Variants in THSD4 observed in about 807,000 individuals in gnomAD.
The protein encoded by THSD4 is thrombospondin type 1 domain containing 4, also known as thrombospondin type-1 domain-containing protein 4.
THSD4 carries 69 observed loss-of-function variants against 119.0 expected under a neutral mutation model. That is an observed-to-expected ratio of 0.58 (90% CI 0.48 to 0.71). THSD4 has a LOEUF of 0.71. THSD4 is among the 30% of genes least tolerant of loss of function. The pLI, the probability that THSD4 is intolerant of heterozygous loss-of-function variation, is 0.00. For missense variants in THSD4, 1,393 were observed against 1,391.1 expected, an observed-to-expected ratio of 1.00 and a Z score of -0.02; for synonymous variants, 524 against 540.4, an observed-to-expected ratio of 0.97 and a Z score of 0.42.
intron 7 of THSD4, among the ~76,000 whole-genome samples, chr15:71,495,190 G>C (rs570097854): frequency 9.9e-5 from 15 of 152,270 alleles, no homozygotes; most frequent in Non-Finnish European, 1.8e-4. Context: ...ACCCAACCCC[G>C]TTTTTCTCAC....
intron 7 of THSD4, among the ~76,000 whole-genome samples, chr15:71,530,148 C>G (rs1011443922): frequency 1.5e-5 from 2 of 130,874 alleles, no homozygotes; most frequent in Non-Finnish European, 3.1e-5. Context: ...TGAAACACCC[C>G]TGTTAGAAAT....
chr15:71,114,021 C>T (rs2040328942), upstream of THSD4, among the ~76,000 whole-genome samples: 1 of 152,016 alleles, frequency 6.6e-6, no homozygotes, highest in Non-Finnish European at 1.5e-5. Context: ...TCGTGACACT[C>T]AGAATTAATC....
chr15:71,121,315 A>G (rs1457958749), intron 1 of THSD4, among the ~76,000 whole-genome samples: 3 of 151,606 alleles, frequency 2.0e-5, no homozygotes, highest in Non-Finnish European at 4.4e-5. Flanking sequence ...AAAATGCTCA[A>G]AACTATCTCA....
chr15:71,743,862 T>A (rs777283096), intron 11 of THSD4, among the ~76,000 whole-genome samples: 9 of 152,240 alleles, frequency 5.9e-5, no homozygotes, highest in Non-Finnish European at 1.0e-4. Flanking sequence ...AGATAGCCCC[T>A]ATGTTGCAGT....
chr15:71,744,364 G>A (rs2053294402), intron 11 of THSD4, among the ~76,000 whole-genome samples: 1 of 152,138 alleles, frequency 6.6e-6, no homozygotes, highest in Non-Finnish European at 1.5e-5. Context: ...GGGCTACAGA[G>A]ATTAAGAAGT....
chr15:71,741,100 T>G (rs1465944033), intron 11 of THSD4, among the ~76,000 whole-genome samples: 1 of 152,198 alleles, frequency 6.6e-6, no homozygotes, highest in African/African-American at 2.4e-5. Flanking sequence ...TAAGGGTAGA[T>G]TTTACATCTT....
At chr15:71,613,050 C>T (rs2050258086) in intron 7 of THSD4, among the ~76,000 whole-genome samples, 1 of 152,134 alleles carries the variant, frequency 6.6e-6, no homozygotes, top group South Asian at 2.1e-4. Context: ...GTGAAATTCA[C>T]CTTGACTTAT....
chr15:71,777,484 A>G lies in THSD4; in HGVS notation c.*110A>G. 6.9e-7 allele frequency: 1 copy of G among 1,449,354 alleles called. No homozygotes were observed. Among genetic ancestry groups the G allele is most frequent in the Non-Finnish European group, 9.2e-7 (1 of 1,090,118 alleles). The allele number at this position is 1,449,354 out of a possible 1,614,324, so 89.8% of individuals were successfully genotyped here. On this transcript the variant is annotated 3_prime_UTR_variant, in exon 18 of 18. Coordinates refer to ENST00000261862, the MANE Select transcript of THSD4 (RefSeq NM_024817.3). ...CGGGCCCCCTGGCCCAGGCGCTGCC[A>G]ACCAACTTAGTCACCACCCCTGCCT...
intron 7 of THSD4, among the ~76,000 whole-genome samples, chr15:71,555,553 C>T (rs1307548003): frequency 6.6e-6 from 1 of 152,076 alleles, no homozygotes; most frequent in Non-Finnish European, 1.5e-5. Flanking sequence ...AATATGAACC[C>T]TCTGCTTTTT....
At chr15:71,707,577 G>A (rs544447753) in intron 8 of THSD4, among the ~76,000 whole-genome samples, 1 of 152,220 alleles carries the variant, frequency 6.6e-6, no homozygotes, top group South Asian at 2.1e-4. Flanking sequence ...ATATCTCTAC[G>A]ATAATTTTCC....
intron 7 of THSD4, among the ~76,000 whole-genome samples, chr15:71,603,796 A>G (rs2050058161): frequency 6.6e-6 from 1 of 152,138 alleles, no homozygotes; most frequent in Non-Finnish European, 1.5e-5. Context: ...TAGGAAGACA[A>G]TTGCTGTTAT....
chr15:71,643,096 C>T (rs1452569770), intron 7 of THSD4, among the ~76,000 whole-genome samples: 1 of 152,068 alleles, frequency 6.6e-6, no homozygotes. Flanking sequence ...TATGACTTTC[C>T]TCTTGGGGTA....
chr15:71,333,701 A>G (rs1596343918), intron 6 of THSD4, among the ~76,000 whole-genome samples: 1 of 152,170 alleles, frequency 6.6e-6, no homozygotes, highest in African/African-American at 2.4e-5. Flanking sequence ...GACTTATTGA[A>G]GTCTTGCTTC....
intron 6 of THSD4, among the ~76,000 whole-genome samples, chr15:71,262,496 A>G (rs375399946): frequency 8.5e-5 from 13 of 152,246 alleles, no homozygotes; most frequent in African/African-American, 3.1e-4. Flanking sequence ...TTTTCATGCC[A>G]AGGGTAATGG....
At chr15:71,465,956 G>A (rs1228395332) in intron 7 of THSD4, among the ~76,000 whole-genome samples, 1 of 152,186 alleles carries the variant, frequency 6.6e-6, no homozygotes, top group Non-Finnish European at 1.5e-5. Flanking sequence ...TTGATGTGGA[G>A]AAGAGGATCT....
chr15:71,218,543 C>T (rs540129450), intron 4 of THSD4, among the ~76,000 whole-genome samples: 1 of 152,132 alleles, frequency 6.6e-6, no homozygotes, highest in African/African-American at 2.4e-5. Flanking sequence ...CTATGAAGTT[C>T]CTGCAAGTTT....
intron 7 of THSD4, among the ~76,000 whole-genome samples, chr15:71,429,588 C>A (rs2140530036): frequency 6.6e-6 from 1 of 152,196 alleles, no homozygotes; most frequent in East Asian, 1.9e-4. Flanking sequence ...TCATCCTTTC[C>A]TTTGGGAGAG....
chr15:71,532,620 G>A (rs1166568231), intron 7 of THSD4, among the ~76,000 whole-genome samples: 1 of 151,960 alleles, frequency 6.6e-6, no homozygotes, highest in African/African-American at 2.4e-5. Context: ...CAGCCAGGGT[G>A]GAATTACTTA....
chr15:71,718,624 G>A (rs901666874), intron 8 of THSD4, among the ~76,000 whole-genome samples: 1 of 152,156 alleles, frequency 6.6e-6, no homozygotes. Flanking sequence ...CAGTCTGCCT[G>A]ATGTCTTCCA....
Sources: allele counts gnomAD v4.1 joint callset (sites outside exome capture counted in the v4.1 genomes callset), GRCh38; gene constraint gnomAD v4.1.1; transcripts MANE v1.5; gene names NCBI Gene and HGNC (gene_info 2026-07-23, HGNC 2026-07-21).